The following ARHGEF18 variants were observed in gnomAD, a reference collection of about 807,000 sequenced individuals.
ARHGEF18 encodes rho guanine nucleotide exchange factor 18.
Under a neutral mutation model 155.7 loss-of-function variants are expected in ARHGEF18, and 93 were observed. The observed-to-expected ratio is 0.60, with a 90% CI of 0.50 to 0.71. The LOEUF (loss-of-function observed/expected upper bound fraction) is 0.71. Among genes scored for constraint, ARHGEF18 ranks in the 30% least tolerant of loss-of-function variants. The pLI, the probability that ARHGEF18 is intolerant of heterozygous loss-of-function variation, is 0.00. For synonymous variants in ARHGEF18, 742 were observed against 753.1 expected, an observed-to-expected ratio of 0.99 and a Z score of 0.24; for missense variants, 1,593 against 1,816.1, an observed-to-expected ratio of 0.88 and a Z score of 2.23.
chr19:7,448,620 C>T (rs914442868), intron 15 of ARHGEF18, among the ~76,000 whole-genome samples: 4 of 151,652 alleles, frequency 2.6e-5, no homozygotes, highest in African/African-American at 7.3e-5. Flanking sequence ...GAGATCGCAC[C>T]ACTGCACTCC....
chr19:7,442,238 T>G (rs562080144), intron 13 of ARHGEF18, among the ~76,000 whole-genome samples, 186 bp downstream of exon 13: 40 of 151,990 alleles, frequency 2.6e-4, no homozygotes, highest in African/African-American at 9.2e-4. Context: ...TTTCTTTCTT[T>G]CTTTTTTTTC....
rs148668770 is a variant in ARHGEF18, at chr19:7,435,746, G to A, written c.968-4598G>A. ...AATCAATACAGCGGGTCTGTGGCAG[G>A]GCCACTGACTCATGTCTTGACCCAT... On this transcript the variant is annotated intron_variant, in intron 10 of 28. Coordinates refer to ENST00000668164, the MANE Select transcript of ARHGEF18 (RefSeq NM_001367823.1). Among the ~76,000 whole-genome samples, 77 of 152,232 alleles carry A rather than the reference G, an allele frequency of 5.1e-4. 1 individual carries two copies. In the East Asian group the frequency reaches 0.014, roughly 29 times the overall value.
intron 1 of ARHGEF18, among the ~76,000 whole-genome samples, chr19:7,350,767 G>GGTGTGT (rs71177199): frequency 2.6e-4 from 5 of 19,456 alleles, no homozygotes; most frequent in Non-Finnish European, 6.3e-4. Context: ...TTTTGGGGTG[G>GGTGTGT]GTGTGTGTGT....
intron 10 of ARHGEF18, among the ~76,000 whole-genome samples, chr19:7,434,185 G>T (rs781547844): frequency 6.6e-6 from 1 of 151,890 alleles, no homozygotes; most frequent in African/African-American, 2.4e-5. Context: ...TAGAGACAGG[G>T]TCTATGTTGC....
At chr19:7,392,875 G>A (rs918311834) in intron 10 of ARHGEF18, among the ~76,000 whole-genome samples, 7 of 151,130 alleles carry the variant, frequency 4.6e-5, no homozygotes, top group Non-Finnish European at 7.4e-5. Flanking sequence ...GCAACATGGC[G>A]AAACTCTGTC....
Position 7,378,473 on chromosome 19 carries a change from G to C in ARHGEF18, c.599+22G>C, listed in dbSNP as rs1234026881. 6.5e-6 allele frequency: 8 copies of C among 1,234,180 alleles called. No individual in the cohort carries two copies. The Admixed American group carries it at 3.0e-4, about 46-fold the overall frequency. The allele number at this position is 1,234,180 out of a possible 1,614,324, so 76.5% of individuals were successfully genotyped here. On this transcript the variant is annotated intron_variant, in intron 6 of 28. Transcript: ENST00000668164. The stretch of plus-strand genomic sequence containing the variant: ...ACGTGTGAGTTTCTGCCTCGTGGTG[G>C]GGGAGGGACCCCCAGGGAACAGGCC...
intron 5 of ARHGEF18, 141 bp downstream of exon 5, chr19:7,376,898 G>A (rs1970484184): frequency 1.7e-6 from 1 of 573,422 alleles, no homozygotes; most frequent in Admixed American, 4.4e-5. Flanking sequence ...CCAGGGAAGG[G>A]AAGGGAGCTG....
chr19:7,440,321 C>A lies in ARHGEF18; in HGVS notation c.968-23C>A. 1 of 1,608,604 alleles carries A rather than the reference C, an allele frequency of 6.2e-7. No homozygotes were observed. The highest frequency in any genetic ancestry group is 8.5e-7 in the Non-Finnish European group (1 of 1,177,610). On this transcript the variant is annotated intron_variant, in intron 10 of 28. Coordinates refer to ENST00000668164, the MANE Select transcript of ARHGEF18 (RefSeq NM_001367823.1). This position sits in a 1 kb window ranked among gnomAD's most constrained non-coding sequence, Gnocchi z 5.4. ...ACCCGACCCACTTTCTCAGCACCAACTCTGTCCTTGCCTCTGTCACAGCCT... is the reference window on the plus strand; with the variant it reads ...ACCCGACCCACTTTCTCAGCACCAAATCTGTCCTTGCCTCTGTCACAGCCT...
chr19:7,452,728 A>C (rs1168424996), intron 16 of ARHGEF18, among the ~76,000 whole-genome samples: 1 of 151,596 alleles, frequency 6.6e-6, no homozygotes, highest in Non-Finnish European at 1.5e-5. Flanking sequence ...AGCCTCCCAG[A>C]GTGCTGGGAT....
At position 7,440,229 on chromosome 19, in the gene ARHGEF18, ACCT is replaced by A; in HGVS notation, c.968-112_968-110del. 1 of 1,551,804 alleles carries A rather than the reference ACCT, an allele frequency of 6.4e-7. No homozygotes were observed. Among genetic ancestry groups the A allele is most frequent in the Non-Finnish European group, 8.7e-7 (1 of 1,147,132 alleles). Reference sequence around the variant, plus strand: ...CGTCTTCTTGGATAACGAGCTGCTGACCTCCAAGATCCTGTCTGTGCTGCGGCC... The same window carrying A: ...CGTCTTCTTGGATAACGAGCTGCTGACCAAGATCCTGTCTGTGCTGCGGCC... On this transcript the variant is annotated intron_variant, in intron 10 of 28. Coordinates refer to ENST00000668164, the MANE Select transcript of ARHGEF18 (RefSeq NM_001367823.1). The surrounding 1 kb of genome is among the most constrained non-coding windows in gnomAD (Gnocchi z 5.4).
intron 3 of ARHGEF18, among the ~76,000 whole-genome samples, chr19:7,375,215 T>G (rs1222916861): frequency 2.8e-5 from 4 of 144,314 alleles, no homozygotes; most frequent in African/African-American, 1.1e-4. Flanking sequence ...GAGGTTGCAG[T>G]GAGCTGCGAT....
At chr19:7,431,510 CAAAAAAAAAA>C (rs34609858) in intron 10 of ARHGEF18, among the ~76,000 whole-genome samples, 7 of 51,294 alleles carry the variant, frequency 1.4e-4, no homozygotes, top group South Asian at 9.6e-4. Context: ...GACTCCATCT[CAAAAAAAAAA>C]AAAAAAAAAA....
chr19:7,442,352 G>C (rs147219179), intron 13 of ARHGEF18, among the ~76,000 whole-genome samples: 1,917 of 152,044 alleles, frequency 0.013, 29 homozygotes, highest in Middle Eastern at 0.027. Context: ...TCCCACCTCA[G>C]CCTCCCTAGT....
At chr19:7,387,795 G>T (rs150117606) in intron 10 of ARHGEF18, among the ~76,000 whole-genome samples, 1 of 151,632 alleles carries the variant, frequency 6.6e-6, no homozygotes, top group Non-Finnish European at 1.5e-5. Flanking sequence ...TCAGCCTCCC[G>T]AGTGGCTGGG....
At chr19:7,457,423 C>T (rs116255307) in intron 18 of ARHGEF18, among the ~76,000 whole-genome samples, 3,923 of 131,126 alleles carry the variant, frequency 0.03, 178 homozygotes, top group African/African-American at 0.1. Context: ...TGTGCAATGA[C>T]ACAATCTCGA....
intron 3 of ARHGEF18, among the ~76,000 whole-genome samples, chr19:7,374,042 G>A (rs559269291): frequency 6.6e-6 from 1 of 152,070 alleles, no homozygotes; most frequent in East Asian, 1.9e-4. Context: ...TGACAGGCAT[G>A]AGTCACCATG....
intron 10 of ARHGEF18, among the ~76,000 whole-genome samples, chr19:7,436,451 T>C (rs1974258932): frequency 6.6e-6 from 1 of 152,106 alleles, no homozygotes; most frequent in Admixed American, 6.6e-5. Flanking sequence ...CTAATTTTTG[T>C]ATTTTTAGTA....
chr19:7,350,159 G>A (rs62111672), intron 1 of ARHGEF18, among the ~76,000 whole-genome samples: 4,022 of 152,274 alleles, frequency 0.026, 85 homozygotes, highest in Middle Eastern at 0.048. Context: ...GGAAGGCTGC[G>A]GTTTCTGCTG....
At position 7,440,004 on chromosome 19, in the gene ARHGEF18, G is replaced by A. The variant is rs1974521594; in HGVS notation, c.968-340G>A. On this transcript the variant is annotated intron_variant, in intron 10 of 28. Transcript: ENST00000668164. The surrounding 1 kb of genome is among the most constrained non-coding windows in gnomAD (Gnocchi z 5.4). ...CGCTGCTTCAGCCAATACAGCAAGG[G>A]AAGACGCAGCTCTGTTTTCTAGAAG... 2.6e-6 allele frequency: 4 copies of A among 1,550,222 alleles called. No homozygotes were observed. Among genetic ancestry groups the A allele is most frequent in the Non-Finnish European group, 3.5e-6 (4 of 1,146,540 alleles).
Sources: allele counts gnomAD v4.1 joint callset (sites outside exome capture counted in the v4.1 genomes callset), GRCh38; gene constraint gnomAD v4.1.1; non-coding constraint Gnocchi (gnomAD v3.1); transcripts MANE v1.5; gene names NCBI Gene and HGNC (gene_info 2026-07-23, HGNC 2026-07-21).